The following FAM171A1 variants were observed in gnomAD, a reference collection of about 807,000 sequenced individuals.
FAM171A1 encodes the protein family with sequence similarity 171 member A1, also known as protein FAM171A1.
FAM171A1 carries 23 observed loss-of-function variants against 74.9 expected under a neutral mutation model. The ratio of observed to expected loss-of-function variants is 0.31; its 90% CI spans 0.22 to 0.44. FAM171A1 has a LOEUF of 0.44. FAM171A1 is among the 20% of genes least tolerant of loss of function. The probability of loss-of-function intolerance (pLI) is 1.00; values close to 1 mark genes in which losing one functional copy is unlikely to be tolerated. For missense variants in FAM171A1, 1,162 were observed against 1,159.2 expected, an observed-to-expected ratio of 1.00 and a Z score of -0.03; for synonymous variants, 527 against 505.7, an observed-to-expected ratio of 1.04 and a Z score of -0.57.
intron 1 of FAM171A1, among the ~76,000 whole-genome samples, chr10:15,361,123 T>C (rs1324616912): frequency 2.0e-5 from 3 of 152,212 alleles, no homozygotes; most frequent in Non-Finnish European, 4.4e-5. Flanking sequence ...AAAGGATAAA[T>C]TATTAATAAT....
At chr10:15,279,154 G>C (rs961284409) in intron 2 of FAM171A1, among the ~76,000 whole-genome samples, 1 of 152,210 alleles carries the variant, frequency 6.6e-6, no homozygotes, top group African/African-American at 2.4e-5. Flanking sequence ...CATCCCCTGA[G>C]AGGTGTGTGA....
intron 6 of FAM171A1, among the ~76,000 whole-genome samples, chr10:15,217,540 A>G (rs1833982057): frequency 6.6e-6 from 1 of 152,224 alleles, no homozygotes; most frequent in South Asian, 2.1e-4. Context: ...TCTCTTTCAG[A>G]TATAATTACT....
At chr10:15,279,519 A>AT (rs11322755) in intron 2 of FAM171A1, among the ~76,000 whole-genome samples, 62 of 149,230 alleles carry the variant, frequency 4.2e-4, no homozygotes, top group Admixed American at 5.3e-4. Flanking sequence ...TACCAAGTAG[A>AT]TTTTTTTTTT....
chr10:15,288,385 G>A (rs1274599674), intron 1 of FAM171A1, among the ~76,000 whole-genome samples: 2 of 152,020 alleles, frequency 1.3e-5, no homozygotes, highest in African/African-American at 4.8e-5. Flanking sequence ...GGTGATTTGT[G>A]AGATTTTGGT....
chr10:15,254,712 T>G lies in FAM171A1; in HGVS notation c.577+9A>C. The G allele has an allele frequency of 6.2e-7, 1 of 1,610,834 alleles. No homozygotes were observed. The highest frequency in any genetic ancestry group is 2.2e-5 in the East Asian group (1 of 44,782). ...AACTCCCACTGAAAAGAGAAAAGAC[T>G]CCAATTACCTGTTCCATTTCCGTCT... On this transcript the variant is annotated intron_variant, in intron 4 of 7. Coordinates refer to ENST00000378116, the MANE Select transcript of FAM171A1 (RefSeq NM_001010924.2).
chr10:15,364,995 T>A (rs912364105), intron 1 of FAM171A1, among the ~76,000 whole-genome samples: 2 of 151,808 alleles, frequency 1.3e-5, no homozygotes, highest in Non-Finnish European at 2.9e-5. Flanking sequence ...TCTTTAGCCA[T>A]GTAAAGTCAC....
In FAM171A1 at chr10:15,254,720, C is replaced by G; in HGVS notation, c.577+1G>C. 6.2e-7 allele frequency: 1 copy of G among 1,613,716 alleles called. No individual in the cohort carries two copies. Among genetic ancestry groups the G allele is most frequent in the Non-Finnish European group, 8.5e-7 (1 of 1,179,710 alleles). On this transcript the variant is annotated splice_donor_variant, in intron 4 of 7. Transcript: ENST00000378116. LOFTEE classifies it high-confidence loss of function. ...CTGAAAAGAGAAAAGACTCCAATTA[C>G]CTGTTCCATTTCCGTCTAATCCTCG...
intron 1 of FAM171A1, among the ~76,000 whole-genome samples, chr10:15,331,714 C>A (rs1027454708): frequency 6.6e-6 from 1 of 150,926 alleles, no homozygotes; most frequent in African/African-American, 2.4e-5. Context: ...AGGCCAATTA[C>A]AGGACTGATG....
chr10:15,221,368 A>G (rs1834037541), intron 5 of FAM171A1, among the ~76,000 whole-genome samples: 1 of 152,252 alleles, frequency 6.6e-6, no homozygotes, highest in African/African-American at 2.4e-5. Flanking sequence ...TTTGGAACTC[A>G]GAAGCAGAAT....
At chr10:15,266,865 T>TCAAAAAAAA (rs1834749606) in intron 3 of FAM171A1, among the ~76,000 whole-genome samples, 1 of 117,674 alleles carries the variant, frequency 8.5e-6, no homozygotes, top group Non-Finnish European at 1.7e-5. Flanking sequence ...TGAGACTGTT[T>TCAAAAAAAA]CAAAAAAAAA....
intron 1 of FAM171A1, among the ~76,000 whole-genome samples, chr10:15,307,973 T>A (rs1835317210): frequency 6.6e-6 from 1 of 152,084 alleles, no homozygotes; most frequent in Non-Finnish European, 1.5e-5. Flanking sequence ...TGGGCTCATT[T>A]TTTATTTTTT....
intron 2 of FAM171A1, among the ~76,000 whole-genome samples, chr10:15,276,306 G>A (rs1212093484): frequency 2.0e-5 from 3 of 151,826 alleles, no homozygotes; most frequent in African/African-American, 7.3e-5. Context: ...TCAGACTCCC[G>A]AGTAGCTGAG....
At chr10:15,299,165 T>C (rs987594582) in intron 1 of FAM171A1, among the ~76,000 whole-genome samples, 1 of 152,190 alleles carries the variant, frequency 6.6e-6, no homozygotes, top group African/African-American at 2.4e-5. Context: ...GTGATCCGCC[T>C]GCTTCAGCCT....
chr10:15,276,414 C>T (rs964514775), intron 2 of FAM171A1, among the ~76,000 whole-genome samples: 11 of 152,168 alleles, frequency 7.2e-5, no homozygotes, highest in African/African-American at 1.4e-4. Flanking sequence ...CTCCTGACTT[C>T]GTGATCCACC....
intron 3 of FAM171A1, among the ~76,000 whole-genome samples, chr10:15,274,359 C>A (rs1465521474): frequency 6.6e-6 from 1 of 152,162 alleles, no homozygotes; most frequent in African/African-American, 2.4e-5. Flanking sequence ...GGGAGAACTA[C>A]AAACCACTGC....
Position 15,212,668 on chromosome 10 carries a change from A to C in FAM171A1, c.*247T>G. Reference sequence around the variant, plus strand: ...GGTGGCGGATACGCCGAGTCCTCGGAAGGACATCTGGACACCACTTTCAGC... The same window carrying C: ...GGTGGCGGATACGCCGAGTCCTCGGCAGGACATCTGGACACCACTTTCAGC... On this transcript the variant is annotated 3_prime_UTR_variant, in exon 8 of 8. Coordinates refer to ENST00000378116, the MANE Select transcript of FAM171A1 (RefSeq NM_001010924.2). 1.8e-6 allele frequency: 1 copy of C among 558,068 alleles called. No individual in the cohort carries two copies. The highest frequency in any genetic ancestry group is 3.1e-6 in the Non-Finnish European group (1 of 321,168). 34.6% of individuals were successfully genotyped at this position (558,068 alleles called of 1,614,324 possible). A position where few individuals can be genotyped will look rare whatever the true frequency, so the allele number is the denominator to read the frequency against.
chr10:15,283,914 G>A lies in FAM171A1; in HGVS notation c.289C>T (p.Pro97Ser). ...IVTASKHAYV[P>S]NSAPWKPIRL... The stretch of plus-strand genomic sequence containing the variant: ...ATTGGCTTCCATGGGGCAGAGTTTG[G>A]CACGTAGGCATGCTTCGAGGCGGTG... The change falls in exon 2 of 8, where the codon CCA becomes TCA. Residue 97 changes from proline (P) to serine (S), a missense_variant. By Grantham distance (74) the Pro-to-Ser change is moderately conservative (BLOSUM62 -1). Transcript: ENST00000378116. The A allele has an allele frequency of 8.1e-6, 13 of 1,614,188 alleles. No homozygotes were observed. Among genetic ancestry groups the A allele is most frequent in the Non-Finnish European group, 1.0e-5 (12 of 1,180,034 alleles).
chr10:15,284,103 C>T lies in FAM171A1; in HGVS notation c.100G>A (p.Val34Met). The T allele has an allele frequency of 1.9e-6, 3 of 1,613,022 alleles. No homozygotes were observed. Among genetic ancestry groups the T allele is most frequent in the Non-Finnish European group, 2.5e-6 (3 of 1,179,912 alleles). ...LREPGAGAQE[V>M]TLKVHISDAS... Reference sequence around the variant, plus strand: ...TCGCTGATGTGCACCTTTAACGTCACCTCTGGAGGTAGAGAAAGCACAAAG... The same window carrying T: ...TCGCTGATGTGCACCTTTAACGTCATCTCTGGAGGTAGAGAAAGCACAAAG... Residue 34 changes from valine to methionine, a missense_variant and splice_region_variant, in exon 2 of 8, where the codon GTG becomes ATG. Val to Met is a conservative substitution (Grantham distance 21). Transcript: ENST00000378116.
rs80185751 is a variant in FAM171A1, at chr10:15,282,208, C to T, written c.325+1670G>A. ...CTCCTCTTGCCTCAGCCTCCAGAGT[C>T]GCTGGGATTACAGGCATGATTCTAC... On this transcript the variant is annotated intron_variant, in intron 2 of 7. Transcript: ENST00000378116. Among the ~76,000 whole-genome samples the T allele has an allele frequency of 2.4e-3, 363 of 152,084 alleles. 3 individuals are homozygous for T. Among genetic ancestry groups the T allele is most frequent in the African/African-American group, 8.4e-3 (350 of 41,480 alleles).
Sources: gnomAD v4.1 joint callset for allele counts (sites outside exome capture counted in the v4.1 genomes callset) on GRCh38, gnomAD v4.1.1 for gene constraint, MANE v1.5 for transcripts, NCBI Gene and HGNC (gene_info 2026-07-23, HGNC 2026-07-21) for gene names.